Variants in COLEC12 observed in about 807,000 individuals in gnomAD.
COLEC12 encodes collectin subfamily member 12, also known as collectin-12.
In COLEC12, 33 loss-of-function variants were observed where a neutral mutation model predicts 71.1. The ratio of observed to expected loss-of-function variants is 0.46; its 90% CI spans 0.35 to 0.62. The LOEUF (loss-of-function observed/expected upper bound fraction) is 0.62. COLEC12 is among the 20% of genes least tolerant of loss of function. The pLI, the probability that COLEC12 is intolerant of heterozygous loss-of-function variation, is 0.00. For missense variants in COLEC12, 765 were observed against 916.1 expected, an observed-to-expected ratio of 0.84 and a Z score of 2.13; for synonymous variants, 350 against 353.0, an observed-to-expected ratio of 0.99 and a Z score of 0.10.
At chr18:490,556 C>T (rs756029057) in intron 1 of COLEC12, among the ~76,000 whole-genome samples, 29 of 152,192 alleles carry the variant, frequency 1.9e-4, no homozygotes, top group Non-Finnish European at 2.2e-4. Context: ...ACTCTTTAAA[C>T]TATGTACATC....
At chr18:332,269 ACTGT>A (rs1173232023) in intron 7 of COLEC12, among the ~76,000 whole-genome samples, 1 of 152,192 alleles carries the variant, frequency 6.6e-6, no homozygotes, top group Non-Finnish European at 1.5e-5. Context: ...GTGCTTGGTC[ACTGT>A]CTGCCGTGTG....
intron 2 of COLEC12, among the ~76,000 whole-genome samples, chr18:403,781 C>T (rs1420140348): frequency 6.6e-6 from 1 of 151,742 alleles, no homozygotes; most frequent in African/African-American, 2.4e-5. Context: ...TCTACAATAT[C>T]TCCATAGCCA....
chr18:480,644 G>A lies in COLEC12; in HGVS notation c.58+63C>T, dbSNP rs1378057047. The A allele has an allele frequency of 2.1e-6, 3 of 1,436,662 alleles. No homozygotes were observed. Among genetic ancestry groups the A allele is most frequent in the African/African-American group, 1.4e-5 (1 of 71,358 alleles). The allele number at this position is 1,436,662 out of a possible 1,614,324, so 89.0% of individuals were successfully genotyped here. A position where few individuals can be genotyped will look rare whatever the true frequency, so the allele number is the denominator to read the frequency against. On this transcript the variant is annotated intron_variant, in intron 2 of 9. Coordinates refer to ENST00000400256, the MANE Select transcript of COLEC12 (RefSeq NM_130386.3). The surrounding 1 kb of genome is among the most constrained non-coding windows in gnomAD (Gnocchi z 4.1). The stretch of plus-strand genomic sequence containing the variant: ...TGCCAGTGGCCTGCCAATGGTCTCT[G>A]AGGGTTCGTGGCTGCATCCCAGGTT...
At chr18:413,726 T>A (rs922842511) in intron 2 of COLEC12, among the ~76,000 whole-genome samples, 1 of 152,192 alleles carries the variant, frequency 6.6e-6, no homozygotes, top group Non-Finnish European at 1.5e-5. Context: ...GCCCCCAACC[T>A]GGAAATAATT....
chr18:370,424 G>A (rs1914975335), intron 2 of COLEC12, among the ~76,000 whole-genome samples: 1 of 152,182 alleles, frequency 6.6e-6, no homozygotes, highest in Admixed American at 6.5e-5. Context: ...GGCTTTGGGT[G>A]AGGACTTAAC....
chr18:349,126 G>A (rs1462407664), intron 3 of COLEC12, among the ~76,000 whole-genome samples: 4 of 151,598 alleles, frequency 2.6e-5, no homozygotes, highest in Non-Finnish European at 5.9e-5. Flanking sequence ...GGGCATGTCA[G>A]AGCCTTCCTG....
intron 2 of COLEC12, among the ~76,000 whole-genome samples, chr18:419,474 G>A (rs1447066312): frequency 2.0e-5 from 3 of 152,096 alleles, no homozygotes; most frequent in Admixed American, 1.3e-4. Context: ...CCAAAGTGCT[G>A]GATTACAGGT....
At chr18:371,064 T>C (rs751764685) in intron 2 of COLEC12, among the ~76,000 whole-genome samples, 19 of 152,224 alleles carry the variant, frequency 1.2e-4, no homozygotes, top group Non-Finnish European at 1.9e-4. Context: ...AAAGCAGTTA[T>C]GTTATTGCAG....
At chr18:423,738 T>A (rs1380409288) in intron 2 of COLEC12, 2 of 151,370 alleles carry the variant, frequency 1.3e-5, no homozygotes, top group Non-Finnish European at 2.9e-5. Flanking sequence ...TCTGGTTTTG[T>A]TTTTTGTTTG....
chr18:392,131 T>G (rs1271842919), intron 2 of COLEC12, among the ~76,000 whole-genome samples: 1 of 152,170 alleles, frequency 6.6e-6, no homozygotes, highest in Non-Finnish European at 1.5e-5. Context: ...CCTTGGAGCA[T>G]TCTTGCCAAT....
intron 2 of COLEC12, among the ~76,000 whole-genome samples, chr18:436,525 A>AGGGGGG (rs10547166): frequency 5.1e-5 from 5 of 98,922 alleles, no homozygotes; most frequent in Non-Finnish European, 7.3e-5. Context: ...CAAAAAAAAA[A>AGGGGGG]GGGGGGGGGG....
chr18:368,542 C>T (rs1914905915), intron 2 of COLEC12, among the ~76,000 whole-genome samples: 1 of 151,820 alleles, frequency 6.6e-6, no homozygotes, highest in South Asian at 2.1e-4. Context: ...CCAGTACTCT[C>T]CAGCCTGGGT....
rs1913592534 is a variant in COLEC12 at position 318,100 on chromosome 18, CCGAGTAGCTGGGACTACAGG to C, written c.*1925_*1944del. ...CACGCCATTCTCCTGCCTCAGCCTC[CCGAGTAGCTGGGACTACAGG>C]CGCCCGCCACCGCGCCCGGCTAATT... On this transcript the variant is annotated 3_prime_UTR_variant, in exon 10 of 10. Coordinates refer to ENST00000400256, the MANE Select transcript of COLEC12 (RefSeq NM_130386.3). 6.8e-6 allele frequency: 1 copy of C among 147,058 alleles called. No homozygotes were observed. 9.1% of individuals were successfully genotyped at this position (147,058 alleles called of 1,614,324 possible).
chr18:319,954 T>C lies in COLEC12; in HGVS notation c.*91A>G, dbSNP rs1913662593. Reference sequence around the variant, plus strand: ...AATTGGTTTTCAGTGCTTTTTTTTTTTCAATCTGATGAGAAGGTGATGCAA... The same window carrying C: ...AATTGGTTTTCAGTGCTTTTTTTTTCTCAATCTGATGAGAAGGTGATGCAA... On this transcript the variant is annotated 3_prime_UTR_variant, in exon 10 of 10. Transcript: ENST00000400256. 3 of 804,874 alleles carry C rather than the reference T, an allele frequency of 3.7e-6. No homozygotes were observed. Among genetic ancestry groups the C allele is most frequent in the Non-Finnish European group, 6.2e-6 (3 of 484,346 alleles). 49.9% of individuals were successfully genotyped at this position (804,874 alleles called of 1,614,324 possible). A position where few individuals can be genotyped will look rare whatever the true frequency, so the allele number is the denominator to read the frequency against.
rs553953794 is a variant in COLEC12 at position 399,428 on chromosome 18, C to T, written c.59-41906G>A. On this transcript the variant is annotated intron_variant, in intron 2 of 9. Coordinates refer to ENST00000400256, the MANE Select transcript of COLEC12 (RefSeq NM_130386.3). This position sits in a 1 kb window ranked among gnomAD's most constrained non-coding sequence, Gnocchi z 4.0. ...CCAGCCACTCCCTGATAGCTGGAATCCTTCCTTGTCAAACCAGCTCCAAGA... is the reference window on the plus strand; with the variant it reads ...CCAGCCACTCCCTGATAGCTGGAATTCTTCCTTGTCAAACCAGCTCCAAGA... 3.3e-5 allele frequency among the ~76,000 whole-genome samples: 5 copies of T among 152,324 alleles called. No homozygotes were observed. In the South Asian group the frequency reaches 1.0e-3, roughly 32 times the overall value.
At chr18:383,209 A>T (rs1167070179) in intron 2 of COLEC12, among the ~76,000 whole-genome samples, 2 of 152,216 alleles carry the variant, frequency 1.3e-5, no homozygotes, top group Non-Finnish European at 2.9e-5. Flanking sequence ...GAATTTTTTA[A>T]ATTAAAAAAG....
chr18:474,552 G>T (rs969979041), intron 2 of COLEC12, among the ~76,000 whole-genome samples: 22 of 152,260 alleles, frequency 1.4e-4, no homozygotes, highest in African/African-American at 4.8e-4. Flanking sequence ...GGAGCCTGTG[G>T]TTATCATGTA....
intron 5 of COLEC12, among the ~76,000 whole-genome samples, chr18:337,420 C>T (rs938911819): frequency 6.6e-6 from 1 of 152,196 alleles, no homozygotes; most frequent in Non-Finnish European, 1.5e-5. Context: ...GCCAATCCGT[C>T]TGTGTTCTCT....
At chr18:378,013 T>C (rs1915150667) in intron 2 of COLEC12, among the ~76,000 whole-genome samples, 1 of 152,136 alleles carries the variant, frequency 6.6e-6, no homozygotes, top group South Asian at 2.1e-4. Flanking sequence ...TATAGAATTG[T>C]GCACATCTTC....
Sources: gnomAD v4.1 joint callset for allele counts (sites outside exome capture counted in the v4.1 genomes callset) on GRCh38, gnomAD v4.1.1 for gene constraint, Gnocchi (gnomAD v3.1) non-coding constraint, MANE v1.5 for transcripts, NCBI Gene and HGNC (gene_info 2026-07-23, HGNC 2026-07-21) for gene names.